RAB2A: variants seen among roughly 807,000 people sequenced by gnomAD.
The protein encoded by RAB2A is RAB2A, member RAS oncogene family.
A neutral mutation model predicts 32.5 loss-of-function variants in RAB2A; 7 were observed. The observed-to-expected ratio is 0.22, with a 90% CI of 0.12 to 0.40. RAB2A has a LOEUF of 0.40. Ranked by LOEUF, RAB2A falls within the 10% of genes least tolerant of loss-of-function variation. The pLI is 1.00. For missense variants in RAB2A, 108 were observed against 260.7 expected (o/e 0.41, Z 4.03); for synonymous variants, 79 against 85.2 (o/e 0.93, Z 0.40).
At chr8:60,584,641 C>A in intron 4 of RAB2A, 82 bp from the exon 5 acceptor site, 18 of 1,189,090 alleles carry the variant, frequency 1.5e-5, no homozygotes, top group Non-Finnish European at 2.0e-5. Context: ...AAAAGTGGTT[C>A]TCTTTAAAAA....
At chr8:60,608,660 G>A (rs1459809470) in intron 6 of RAB2A, among the ~76,000 whole-genome samples, 1 of 101,410 alleles carries the variant, frequency 9.9e-6, no homozygotes, top group Non-Finnish European at 1.8e-5. Context: ...CCAGTTCTTT[G>A]TTCCACTTTG....
chr8:60,566,866 G>A (rs1024171770), intron 2 of RAB2A, among the ~76,000 whole-genome samples: 1 of 152,060 alleles, frequency 6.6e-6, no homozygotes, highest in African/African-American at 2.4e-5. Context: ...CGCAGTATTT[G>A]ATTTTTTGAG....
chr8:60,571,873 A>G (rs1424151419), intron 2 of RAB2A, among the ~76,000 whole-genome samples, 173 bp from the exon 3 acceptor site: 1 of 152,092 alleles, frequency 6.6e-6, no homozygotes, highest in Non-Finnish European at 1.5e-5. Context: ...ATGTCTTATT[A>G]GCACCTCTTC....
At chr8:60,527,884 G>C (rs1563458979) in intron 1 of RAB2A, among the ~76,000 whole-genome samples, 1 of 152,110 alleles carries the variant, frequency 6.6e-6, no homozygotes, top group Admixed American at 6.5e-5. Flanking sequence ...TTTCTCTAGA[G>C]GCATAACTCA....
intron 5 of RAB2A, among the ~76,000 whole-genome samples, chr8:60,586,229 T>A (rs1003006321): frequency 9.2e-5 from 14 of 152,016 alleles, no homozygotes; most frequent in Admixed American, 7.2e-4. Context: ...TGAGCCCAGT[T>A]GAGGCTGCAG....
chr8:60,610,183 A>G (rs1804315321), intron 6 of RAB2A, among the ~76,000 whole-genome samples: 1 of 152,114 alleles, frequency 6.6e-6, no homozygotes. Context: ...GATACCACCA[A>G]GACTATAGCT....
chr8:60,609,960 CAAAAAAA>C (rs5891772), intron 6 of RAB2A, among the ~76,000 whole-genome samples: 12 of 80,594 alleles, frequency 1.5e-4, no homozygotes, highest in South Asian at 4.3e-4. Context: ...CCCTGTGTCT[CAAAAAAA>C]AAAAAAAAAA....
intron 1 of RAB2A, among the ~76,000 whole-genome samples, chr8:60,555,684 A>G (rs1350139127): frequency 1.3e-5 from 2 of 152,208 alleles, no homozygotes. Flanking sequence ...TAGAATGGCT[A>G]TTATCAAAAA....
chr8:60,558,348 G>A (rs937158676), intron 1 of RAB2A: 33 of 460,458 alleles, frequency 7.2e-5, no homozygotes, highest in Non-Finnish European at 8.7e-6. Flanking sequence ...ATAGAGTGAA[G>A]GAATGCAATT....
intron 1 of RAB2A, among the ~76,000 whole-genome samples, chr8:60,533,101 T>C (rs976820665): frequency 6.6e-6 from 1 of 152,204 alleles, no homozygotes; most frequent in African/African-American, 2.4e-5. Context: ...ACCGTACAAA[T>C]ACTAAATGGA....
intron 6 of RAB2A, among the ~76,000 whole-genome samples, chr8:60,608,526 TCTCCTTCTC>T (rs1407058268): frequency 8.5e-6 from 1 of 117,612 alleles, no homozygotes; most frequent in Non-Finnish European, 1.7e-5. Context: ...TCCTTCTTCC[TCTCCTTCTC>T]CTCCTTCTCT....
At chr8:60,600,060 C>G (rs1304431566) in intron 6 of RAB2A, among the ~76,000 whole-genome samples, 1 of 109,978 alleles carries the variant, frequency 9.1e-6, no homozygotes, top group Non-Finnish European at 1.7e-5. Context: ...TAATTTTACT[C>G]GGTAGTAAAA....
chr8:60,522,891 A>G (rs982516088), intron 1 of RAB2A, among the ~76,000 whole-genome samples: 6 of 152,104 alleles, frequency 3.9e-5, no homozygotes, highest in Non-Finnish European at 5.9e-5. Flanking sequence ...CCCAACCCCT[A>G]GAGATTTTGA....
At position 60,571,918 on chromosome 8, in the gene RAB2A, A is replaced by G. The variant is rs1586089800; in HGVS notation, c.119-128A>G. 1.1e-5 allele frequency: 6 copies of G among 547,964 alleles called. No individual in the cohort carries two copies. The East Asian group carries it at 1.4e-4, about 13-fold the overall frequency. The allele number at this position is 547,964 out of a possible 1,614,324, so 33.9% of individuals were successfully genotyped here. On this transcript the variant is annotated intron_variant, in intron 2 of 7. Transcript: ENST00000262646. Reference sequence around the variant, plus strand: ...TGTATTTTCTAAGTATAGGAACTGCATTTGTTAAAGTTGATCTGTATATTA... The same window carrying G: ...TGTATTTTCTAAGTATAGGAACTGCGTTTGTTAAAGTTGATCTGTATATTA...
intron 6 of RAB2A, among the ~76,000 whole-genome samples, chr8:60,597,530 C>T (rs1198607791): frequency 1.3e-5 from 2 of 151,814 alleles, no homozygotes; most frequent in East Asian, 1.9e-4. Context: ...CACCATGGCA[C>T]GTATATACCT....
intron 1 of RAB2A, among the ~76,000 whole-genome samples, chr8:60,542,592 T>A (rs1395878947): frequency 6.6e-6 from 1 of 152,186 alleles, no homozygotes; most frequent in African/African-American, 2.4e-5. Context: ...GAACATAGGC[T>A]TTCAGCTGAG....
At chr8:60,532,551 C>G (rs1213051430) in intron 1 of RAB2A, among the ~76,000 whole-genome samples, 2 of 151,988 alleles carry the variant, frequency 1.3e-5, no homozygotes, top group Admixed American at 6.6e-5. Flanking sequence ...TGCTCTGTTC[C>G]CCAGGGTGGA....
At chr8:60,518,601 A>G (rs1429133624) in intron 1 of RAB2A, among the ~76,000 whole-genome samples, 1 of 94,726 alleles carries the variant, frequency 1.1e-5, no homozygotes, top group Admixed American at 9.8e-5. Flanking sequence ...GTTTGCAAAA[A>G]AAAAAAAAAA....
In RAB2A at chr8:60,547,906, G is replaced by A. The variant is rs1173398823; in HGVS notation, c.47-10946G>A. 2.1e-3 allele frequency among the ~76,000 whole-genome samples: 238 copies of A among 115,894 alleles called. 5 individuals carry two copies. The highest frequency in any genetic ancestry group is 8.2e-3 in the African/African-American group (228 of 27,736). The allele number at this position is 115,894 out of a possible 152,430, so 76.0% of individuals were successfully genotyped here. A position where few individuals can be genotyped will look rare whatever the true frequency, so the allele number is the denominator to read the frequency against. ...TGACCCCCCTACCTCCCTCCCGGAC[G>A]GGGCGGCTGGCCGGGCAGAGTGGCT... On this transcript the variant is annotated intron_variant, in intron 1 of 7. Coordinates refer to ENST00000262646, the MANE Select transcript of RAB2A (RefSeq NM_002865.3).
Sources: allele counts gnomAD v4.1 joint callset (sites outside exome capture counted in the v4.1 genomes callset), GRCh38; gene constraint gnomAD v4.1.1; transcripts MANE v1.5; gene names NCBI Gene and HGNC (gene_info 2026-07-23, HGNC 2026-07-21).